The following ELMO3 variants were observed in gnomAD, a reference collection of about 807,000 sequenced individuals.
ELMO3 encodes engulfment and cell motility 3.
ELMO3 carries 81 observed loss-of-function variants against 89.0 expected under a neutral mutation model. The observed-to-expected ratio is 0.91, with a 90% CI of 0.76 to 1.09. The LOEUF is 1.09. Among genes scored for constraint, ELMO3 ranks in the 50% least tolerant of loss-of-function variants. The pLI is 0.00. For synonymous variants in ELMO3, 406 were observed against 400.6 expected (o/e 1.01, Z -0.16); for missense variants, 959 against 972.8 (o/e 0.99, Z 0.19).
Position 67,200,896 on chromosome 16 carries a change from C to T in ELMO3, c.672C>T (p.Asn224=), listed in dbSNP as rs768094699. 3.7e-6 allele frequency: 6 copies of T among 1,613,742 alleles called. No homozygotes were observed. The Admixed American group carries it at 8.3e-5, about 22-fold the overall frequency. Residue 224 remains asparagine, a synonymous_variant, in exon 8 of 20, where the codon AAC becomes AAT. Transcript: ENST00000393997. Reference sequence around the variant, plus strand: ...AGCCCTCTTCTTGCCATAGGATGAACCAGCAGCTGCAAACCAAGGCCATGG... The same window carrying T: ...AGCCCTCTTCTTGCCATAGGATGAATCAGCAGCTGCAAACCAAGGCCATGG... ...DRLLVHLQVM[N]QQLQTKAMAL...
At position 67,199,304 on chromosome 16, in the gene ELMO3, G is replaced by A. The variant is rs745551133; in HGVS notation, c.-23G>A. 3.1e-6 allele frequency: 5 copies of A among 1,612,360 alleles called. No individual in the cohort carries two copies. In the Admixed American group the frequency reaches 6.7e-5, roughly 22 times the overall value. On this transcript the variant is annotated 5_prime_UTR_variant, in exon 1 of 20. Coordinates refer to ENST00000393997, the MANE Select transcript of ELMO3 (RefSeq NM_024712.5). ...AGGTGCACGGTCTCCGGAAAGTGCA[G>A]GCGCCCACGTCCCAGCTGGACCATG... is the stretch of plus-strand genomic sequence containing the variant.
chr16:67,202,095 G>C lies in ELMO3; in HGVS notation c.1152+17G>C. ...TACAGCCGGGTCGGTGACAGGGTAGGGTGGGGGGGTGGCAGCATCCCCCAG... is the reference window on the plus strand; with the variant it reads ...TACAGCCGGGTCGGTGACAGGGTAGCGTGGGGGGGTGGCAGCATCCCCCAG... On this transcript the variant is annotated intron_variant, in intron 12 of 19. Coordinates refer to ENST00000393997, the MANE Select transcript of ELMO3 (RefSeq NM_024712.5). 1 of 1,611,288 alleles carries C rather than the reference G, an allele frequency of 6.2e-7. No individual in the cohort carries two copies. The highest frequency in any genetic ancestry group is 8.5e-7 in the Non-Finnish European group (1 of 1,178,618).
chr16:67,201,463 C>T, intron 9 of ELMO3, 28 bp downstream of exon 9: 3 of 1,614,004 alleles, frequency 1.9e-6, no homozygotes, highest in Non-Finnish European at 2.5e-6. Flanking sequence ...AGGGGGACCT[C>T]TCTGCCCCTC....
At position 67,202,682 on chromosome 16, in the gene ELMO3, C is replaced by T. The variant is rs2033143902; in HGVS notation, c.1454C>T (p.Ser485Phe). ...CGCACTCTGGCCCTGAAGCCCACTT[C>T]CCTGGAGCTCTTCCGAACCAAGGTG... ...LARTLALKPT[S>F]LELFRTKVNA... The change falls in exon 15 of 20, where the codon TCC becomes TTC. Residue 485 changes from serine (S) to phenylalanine (F), a missense_variant. Coordinates refer to ENST00000393997, the MANE Select transcript of ELMO3 (RefSeq NM_024712.5). The T allele has an allele frequency of 1.9e-6, 3 of 1,613,562 alleles. No individual in the cohort carries two copies. Among genetic ancestry groups the T allele is most frequent in the East Asian group, 2.2e-5 (1 of 44,884 alleles).
chr16:67,201,099 G>C (rs1169571905), intron 8 of ELMO3, 131 bp downstream of exon 8: 8 of 1,053,894 alleles, frequency 7.6e-6, no homozygotes, highest in Non-Finnish European at 1.1e-5. Context: ...AGGCTGGAGT[G>C]CAGTGGTGCG....
chr16:67,200,998 C>G lies in ELMO3; in HGVS notation c.744+30C>G, dbSNP rs187250640. 18,392 of 1,574,412 alleles carry G rather than the reference C, an allele frequency of 0.012. 1,018 individuals are homozygous for G. The African/African-American group carries it at 0.14, about 12-fold the overall frequency. ...GTGTCGATCGGTGGCTAGATGGGGG[C>G]AGCACCCGGTGGGCGCTGCCCCACC... On this transcript the variant is annotated intron_variant, in intron 8 of 19. Transcript: ENST00000393997.
In ELMO3 at chr16:67,201,557, T is replaced by C. The variant is rs2033110133; in HGVS notation, c.833T>C (p.Met278Thr). The change falls in exon 10 of 20, where the codon ATG (methionine) becomes ACG (threonine). Residue 278 changes from methionine (M) to threonine (T), a missense_variant. Transcript: ENST00000393997. The part of the protein sequence containing the change: ...IHSAAPMGDE[M>T]AHHLYVLQAL... The stretch of plus-strand genomic sequence containing the variant: ...AGTGCAGCACCAATGGGCGACGAGA[T>C]GGCTCATCACCTGTACGTACTGCAG... The C allele has an allele frequency of 6.2e-7, 1 of 1,614,076 alleles. No individual in the cohort carries two copies. The highest frequency in any genetic ancestry group is 2.2e-5 in the East Asian group (1 of 44,884).
At chr16:67,200,168 C>T in intron 4 of ELMO3, 24 bp from the exon 5 acceptor site, 1 of 1,604,532 alleles carries the variant, frequency 6.2e-7, no homozygotes, top group Non-Finnish European at 8.5e-7. Flanking sequence ...CTCTTCACCT[C>T]TGCTCCTGCT....
rs200917226 is a variant in ELMO3 at position 67,199,698 on chromosome 16, A to T, written c.134A>T (p.His45Leu). 5.6e-6 allele frequency: 9 copies of T among 1,610,054 alleles called. No individual in the cohort carries two copies. The East Asian group carries it at 1.8e-4, about 32-fold the overall frequency. Residue 45 changes from histidine to leucine, a missense_variant, in exon 3 of 20, where the codon CAC (histidine) becomes CTC (leucine). His to Leu is a moderately conservative substitution (Grantham distance 99). Transcript: ENST00000393997. ...GTGCCCCTCAGGTGGAGCCTGACGC[A>T]CTCTGAGCGTTACGCCCTGCAGTTT... ...KEVCDAWSLT[H>L]SERYALQFAD...
chr16:67,202,674 G>A lies in ELMO3; in HGVS notation c.1446G>A (p.Lys482=). The A allele has an allele frequency of 1.2e-6, 2 of 1,613,416 alleles. No individual in the cohort carries two copies. The highest frequency in any genetic ancestry group is 1.7e-6 in the Non-Finnish European group (2 of 1,179,902). The part of the protein sequence containing the change: ...REQLARTLAL[K]PTSLELFRTK... The stretch of plus-strand genomic sequence containing the variant: ...AGCTGGCCCGCACTCTGGCCCTGAA[G>A]CCCACTTCCCTGGAGCTCTTCCGAA... The change falls in exon 15 of 20, where the codon AAG becomes AAA. Residue 482 remains lysine, a synonymous_variant. Coordinates refer to ENST00000393997, the MANE Select transcript of ELMO3 (RefSeq NM_024712.5).
intron 11 of ELMO3, 44 bp from the exon 12 acceptor site, chr16:67,201,933 G>A (rs751300475): frequency 6.2e-7 from 1 of 1,606,328 alleles, no homozygotes; most frequent in East Asian, 2.2e-5. Context: ...GTTGTTCCAG[G>A]CGGCCGTGGC....
At chr16:67,201,930 C>T (rs1377049424) in intron 11 of ELMO3, 47 bp from the exon 12 acceptor site, 1 of 1,605,572 alleles carries the variant, frequency 6.2e-7, no homozygotes, top group African/African-American at 1.3e-5. Flanking sequence ...GCTGTTGTTC[C>T]AGGCGGCCGT....
Position 67,200,913 on chromosome 16 carries a change from A to G in ELMO3, c.689A>G (p.Lys230Arg), listed in dbSNP as rs1224521627. Reference protein sequence around the residue: ...LQVMNQQLQTKAMALLTALLQ... With the variant: ...LQVMNQQLQTRAMALLTALLQ... ...AGGATGAACCAGCAGCTGCAAACCA[A>G]GGCCATGGCCCTGCTGACAGCCTTG... Residue 230 changes from lysine to arginine, a missense_variant, in exon 8 of 20, where the codon AAG becomes AGG. By Grantham distance (26) the Lys-to-Arg change is conservative (BLOSUM62 2). Coordinates refer to ENST00000393997, the MANE Select transcript of ELMO3 (RefSeq NM_024712.5). The G allele has an allele frequency of 1.2e-6, 2 of 1,613,532 alleles. No homozygotes were observed. Among genetic ancestry groups the G allele is most frequent in the Non-Finnish European group, 1.7e-6 (2 of 1,179,852 alleles).
rs1278665806 is a variant in ELMO3, at chr16:67,199,334, C to T, written c.8C>T (p.Pro3Leu). 10 of 1,611,308 alleles carry T rather than the reference C, an allele frequency of 6.2e-6. No individual in the cohort carries two copies. Among genetic ancestry groups the T allele is most frequent in the African/African-American group, 1.3e-5 (1 of 75,044 alleles). ...CCACGTCCCAGCTGGACCATGGCGC[C>T]TCCGCGGAACGTGGTGAAGATTGCC... The part of the protein sequence containing the change: MA[P>L]PRNVVKIAIK... Residue 3 changes from proline (P) to leucine (L), a missense_variant, in exon 1 of 20, where the codon CCT (proline) becomes CTT (leucine). Transcript: ENST00000393997.
At position 67,200,953 on chromosome 16, in the gene ELMO3, C is replaced by T. The variant is rs1699467183; in HGVS notation, c.729C>T (p.Ser243=). The change falls in exon 8 of 20, where the codon AGC becomes AGT. Residue 243 remains serine (S), a synonymous_variant. Transcript: ENST00000393997. ...TGACAGCCTTGCTGCAGGGGGCCAG[C>T]CCTGTGGAACGCAAGGTGAGTGTCG... ...ALLTALLQGA[S]PVERKHMLDY... The T allele has an allele frequency of 6.2e-7, 1 of 1,607,150 alleles. No individual in the cohort carries two copies. The highest frequency in any genetic ancestry group is 1.3e-5 in the African/African-American group (1 of 74,596).
At position 67,202,006 on chromosome 16, in the gene ELMO3, C is replaced by T. The variant is rs367920873; in HGVS notation, c.1080C>T (p.Arg360=). The T allele has an allele frequency of 6.7e-5, 107 of 1,588,192 alleles. No homozygotes were observed. The highest frequency in any genetic ancestry group is 8.1e-5 in the African/African-American group (6 of 73,940). Residue 360 remains arginine (R), a synonymous_variant, in exon 12 of 20, where the codon CGC becomes CGT. Coordinates refer to ENST00000393997, the MANE Select transcript of ELMO3 (RefSeq NM_024712.5). ...GCAACCCAGCACAGGACCTGGAGCG[C>T]GTGCCCCCCGGTCTGCTGGCCCTGG... ...SNSNPAQDLE[R]VPPGLLALDN...
At chr16:67,200,125 A>T in intron 4 of ELMO3, 67 bp from the exon 5 acceptor site, 1 of 1,523,300 alleles carries the variant, frequency 6.6e-7, no homozygotes, top group Non-Finnish European at 8.8e-7. Context: ...CCGGGGCCGC[A>T]CACTTCCAGG....
At position 67,201,800 on chromosome 16, in the gene ELMO3, C is replaced by T; in HGVS notation, c.977C>T (p.Ser326Phe). 1 of 1,612,068 alleles carries T rather than the reference C, an allele frequency of 6.2e-7. No homozygotes were observed. The highest frequency in any genetic ancestry group is 8.5e-7 in the Non-Finnish European group (1 of 1,179,994). The change falls in exon 11 of 20, where the codon TCC becomes TTC. Residue 326 changes from serine to phenylalanine, a missense_variant. Ser to Phe is a radical substitution (Grantham distance 155, BLOSUM62 -2). Coordinates refer to ENST00000393997, the MANE Select transcript of ELMO3 (RefSeq NM_024712.5). ...RQAAFEVEGE[S>F]SGAGLSADRR... Reference sequence around the variant, plus strand: ...GCTGCCTTCGAGGTGGAGGGGGAGTCCTCGGGTGCCGGGCTAAGTGCTGAC... The same window carrying T: ...GCTGCCTTCGAGGTGGAGGGGGAGTTCTCGGGTGCCGGGCTAAGTGCTGAC...
At position 67,203,269 on chromosome 16, in the gene ELMO3, C is replaced by T. The variant is rs2060824261; in HGVS notation, c.1780+46C>T. 9 of 1,589,572 alleles carry T rather than the reference C, an allele frequency of 5.7e-6. No homozygotes were observed. Among genetic ancestry groups the T allele is most frequent in the South Asian group, 2.2e-5 (2 of 89,178 alleles). On this transcript the variant is annotated intron_variant, in intron 17 of 19. Transcript: ENST00000393997. This position sits in a 1 kb window ranked among gnomAD's most constrained non-coding sequence, Gnocchi z 4.6. The stretch of plus-strand genomic sequence containing the variant: ...GGCCAGATACCTGCTCTCCCCAGAC[C>T]GCCCTGGGCCCCGGGGCTGCCAGGG...
Sources: allele counts gnomAD v4.1 joint callset, GRCh38; gene constraint gnomAD v4.1.1; non-coding constraint Gnocchi (gnomAD v3.1); transcripts MANE v1.5; gene names NCBI Gene and HGNC (gene_info 2026-07-23, HGNC 2026-07-21).